The following TMEM108 variants were observed in gnomAD, a reference collection of about 807,000 sequenced individuals.
The protein encoded by TMEM108 is transmembrane protein 108.
TMEM108 carries 12 observed loss-of-function variants against 35.1 expected under a neutral mutation model. That is an observed-to-expected ratio of 0.34 (90% confidence interval 0.22 to 0.55). The LOEUF (loss-of-function observed/expected upper bound fraction) is 0.55. Ranked by LOEUF, TMEM108 falls within the 20% of genes least tolerant of loss-of-function variation. TMEM108 has a pLI of 0.89. For missense variants in TMEM108, 680 were observed against 753.3 expected (o/e 0.90, Z 1.14); for synonymous variants, 287 against 308.6 (o/e 0.93, Z 0.73).
chr3:133,387,972 T>C, intron 4 of TMEM108: 1 of 985,458 alleles, frequency 1.0e-6, no homozygotes, highest in Non-Finnish European at 1.2e-6. Flanking sequence ...CAAATCTGAC[T>C]CACAGATACA....
intron 3 of TMEM108, among the ~76,000 whole-genome samples, chr3:133,345,451 G>T (rs993541832): frequency 6.6e-6 from 1 of 151,714 alleles, no homozygotes; most frequent in African/African-American, 2.4e-5. Flanking sequence ...CTTATTATGT[G>T]TAGTCATTAT....
chr3:133,273,366 T>G (rs1395177569), intron 3 of TMEM108, among the ~76,000 whole-genome samples: 1 of 152,230 alleles, frequency 6.6e-6, no homozygotes, highest in Non-Finnish European at 1.5e-5. Context: ...TTCTTTCTTT[T>G]GTTCATTCAT....
intron 2 of TMEM108, among the ~76,000 whole-genome samples, chr3:133,070,223 A>AC (rs1013717132): frequency 1.3e-5 from 2 of 152,078 alleles, no homozygotes; most frequent in African/African-American, 4.8e-5. Flanking sequence ...TGCCACAGTC[A>AC]CAGAGTTAGA....
intron 3 of TMEM108, among the ~76,000 whole-genome samples, chr3:133,370,921 T>TGTGTGC (rs142623622): frequency 8.1e-4 from 113 of 139,396 alleles, no homozygotes; most frequent in African/African-American, 1.7e-3. Context: ...TGTGTGTGTG[T>TGTGTGC]GCCAGGAAGC....
intron 3 of TMEM108, among the ~76,000 whole-genome samples, chr3:133,256,302 G>A (rs1254522426): frequency 6.6e-6 from 1 of 152,068 alleles, no homozygotes; most frequent in African/African-American, 2.4e-5. Flanking sequence ...TTTCACAGAT[G>A]GACATTCATT....
intron 3 of TMEM108, among the ~76,000 whole-genome samples, chr3:133,289,772 A>T (rs1318583627): frequency 3.3e-5 from 5 of 152,166 alleles, no homozygotes; most frequent in Non-Finnish European, 5.9e-5. Flanking sequence ...TAGGCTATAA[A>T]TTTTTAAGTT....
At chr3:133,345,682 G>T (rs939008350) in intron 3 of TMEM108, among the ~76,000 whole-genome samples, 1 of 151,860 alleles carries the variant, frequency 6.6e-6, no homozygotes, top group Non-Finnish European at 1.5e-5. Context: ...TATGGTTACA[G>T]AGTTAACATA....
intron 2 of TMEM108, among the ~76,000 whole-genome samples, chr3:133,098,780 A>T (rs914761975): frequency 6.6e-6 from 1 of 152,168 alleles, no homozygotes; most frequent in Non-Finnish European, 1.5e-5. Context: ...GGTCTCGCTG[A>T]TGCAAAAGGT....
intron 3 of TMEM108, among the ~76,000 whole-genome samples, chr3:133,234,621 A>G (rs1946205699): frequency 6.6e-6 from 1 of 152,192 alleles, no homozygotes; most frequent in Admixed American, 6.5e-5. Context: ...AGAGCTATCT[A>G]TGACAAACCC....
chr3:133,069,074 G>T (rs1326461240), intron 2 of TMEM108, among the ~76,000 whole-genome samples: 2 of 152,216 alleles, frequency 1.3e-5, no homozygotes, highest in African/African-American at 4.8e-5. Context: ...GCTGTTGCCA[G>T]GTTGTGAGAG....
intron 2 of TMEM108, among the ~76,000 whole-genome samples, chr3:133,158,490 GAAAA>G (rs1944914729): frequency 2.7e-5 from 3 of 110,736 alleles, no homozygotes; most frequent in East Asian, 5.1e-4. Flanking sequence ...AAAAAAAAAA[GAAAA>G]GAAAGAAATT....
At chr3:133,229,500 C>G (rs1016010240) in intron 3 of TMEM108, 149 bp downstream of exon 3, 9 of 615,000 alleles carry the variant, frequency 1.5e-5, no homozygotes, top group African/African-American at 5.7e-5. Context: ...GATGAAGTAT[C>G]AAGCGTTAAG....
Position 133,189,804 on chromosome 3 carries a change from A to T in TMEM108, c.-46-39462A>T, listed in dbSNP as rs535653899. 2.0e-5 allele frequency among the ~76,000 whole-genome samples: 3 copies of T among 152,314 alleles called. No individual in the cohort carries two copies. The South Asian group carries it at 6.2e-4, about 32-fold the overall frequency. On this transcript the variant is annotated intron_variant, in intron 2 of 5. Transcript: ENST00000321871. Reference sequence around the variant, plus strand: ...AAAGGCGGCCAAAAGTAGGGAAGAAAATTGACAAGGAACTAACAGGAGCTA... The same window carrying T: ...AAAGGCGGCCAAAAGTAGGGAAGAATATTGACAAGGAACTAACAGGAGCTA...
intron 3 of TMEM108, among the ~76,000 whole-genome samples, chr3:133,262,227 A>G (rs932267263): frequency 3.3e-5 from 5 of 152,182 alleles, no homozygotes; most frequent in African/African-American, 1.2e-4. Flanking sequence ...TATTTTTTCA[A>G]ATGTCTTAAA....
chr3:133,374,591 G>T (rs375351615), intron 3 of TMEM108, among the ~76,000 whole-genome samples: 39 of 148,932 alleles, frequency 2.6e-4, no homozygotes, highest in African/African-American at 9.7e-4. Context: ...TAATTTTGTG[G>T]TTTTTATATA....
chr3:133,305,510 A>G (rs1225715388), intron 3 of TMEM108, among the ~76,000 whole-genome samples: 4 of 139,430 alleles, frequency 2.9e-5, no homozygotes, highest in Non-Finnish European at 6.4e-5. Flanking sequence ...AATATAAAGT[A>G]TAATAAAATA....
chr3:133,189,755 A>G (rs547111628), intron 2 of TMEM108, among the ~76,000 whole-genome samples: 3 of 152,338 alleles, frequency 2.0e-5, no homozygotes, highest in African/African-American at 4.8e-5. Flanking sequence ...TTAAGGAACC[A>G]TTTAGACACA....
At chr3:133,174,211 C>T (rs970289133) in intron 2 of TMEM108, among the ~76,000 whole-genome samples, 1 of 152,260 alleles carries the variant, frequency 6.6e-6, no homozygotes, top group African/African-American at 2.4e-5. Context: ...CACCTCAGCT[C>T]AAGGAGGCCA....
At chr3:133,100,426 G>A (rs1208713712) in intron 2 of TMEM108, among the ~76,000 whole-genome samples, 2 of 152,028 alleles carry the variant, frequency 1.3e-5, no homozygotes, top group African/African-American at 2.4e-5. Context: ...ATGGTGAAAC[G>A]CTGTCTCTAC....
Sources: gnomAD v4.1 joint callset for allele counts (sites outside exome capture counted in the v4.1 genomes callset) on GRCh38, gnomAD v4.1.1 for gene constraint, MANE v1.5 for transcripts, NCBI Gene and HGNC (gene_info 2026-07-23, HGNC 2026-07-21) for gene names.